The following CYRIA variants were observed in gnomAD, a reference collection of about 807,000 sequenced individuals.
CYRIA encodes the protein CYFIP-related Rac1 interactor A.
Under a neutral mutation model 43.9 loss-of-function variants are expected in CYRIA, and 15 were observed. The observed-to-expected ratio is 0.34, with a 90% CI of 0.23 to 0.53. The LOEUF (loss-of-function observed/expected upper bound fraction) is 0.53, where lower values mean the gene tolerates loss of function less well. Among genes scored for constraint, CYRIA ranks in the 20% least tolerant of loss-of-function variants. The probability of loss-of-function intolerance (pLI) is 0.94; values close to 1 mark genes in which losing one functional copy is unlikely to be tolerated. For missense variants in CYRIA, 236 were observed against 394.2 expected (o/e 0.60, Z 3.40); for synonymous variants, 117 against 136.0 (o/e 0.86, Z 0.97).
In CYRIA at chr2:16,617,881, G is replaced by A. The variant is rs754178848; in HGVS notation, c.-11+5983C>T. Among the ~76,000 whole-genome samples, 28 of 152,332 alleles carry A rather than the reference G, an allele frequency of 1.8e-4. 1 individual carries two copies. Among genetic ancestry groups the A allele is most frequent in the African/African-American group, 5.5e-4 (23 of 41,574 alleles). On this transcript the variant is annotated intron_variant, in intron 2 of 11. Transcript: ENST00000381323. The stretch of plus-strand genomic sequence containing the variant: ...TCAAGCCCAATTCCCTCATAGTTAC[G>A]ATGAAGGGAGGAGGGCTGACCAAGG...
intron 3 of CYRIA, among the ~76,000 whole-genome samples, chr2:16,583,679 T>C (rs1241075619): frequency 6.6e-6 from 1 of 152,162 alleles, no homozygotes; most frequent in Non-Finnish European, 1.5e-5. Context: ...ACTGAAGCCA[T>C]CACTCGTGAA....
At chr2:16,606,762 G>T (rs1436860505) in intron 2 of CYRIA, among the ~76,000 whole-genome samples, 1 of 152,078 alleles carries the variant, frequency 6.6e-6, no homozygotes, top group Admixed American at 6.6e-5. Context: ...TGCAGAATTC[G>T]ATGGCCCCAG....
At chr2:16,604,136 A>G (rs557464592) in intron 2 of CYRIA, among the ~76,000 whole-genome samples, 1 of 152,318 alleles carries the variant, frequency 6.6e-6, no homozygotes, top group Admixed American at 6.5e-5. Context: ...CTGACCTTCT[A>G]GCTACTATGG....
intron 1 of CYRIA, among the ~76,000 whole-genome samples, chr2:16,661,650 A>C (rs1258585751): frequency 6.6e-6 from 1 of 152,200 alleles, no homozygotes; most frequent in African/African-American, 2.4e-5. Context: ...TTACTAAGAG[A>C]CTGAGTTACA....
intron 2 of CYRIA, among the ~76,000 whole-genome samples, chr2:16,589,685 C>T (rs767477854): frequency 6.6e-6 from 1 of 151,954 alleles, no homozygotes; most frequent in East Asian, 1.9e-4. Flanking sequence ...AGGAAGTGCT[C>T]AAGAAAAATT....
intron 1 of CYRIA, among the ~76,000 whole-genome samples, chr2:16,629,477 C>G (rs1329040724): frequency 2.6e-5 from 4 of 152,200 alleles, no homozygotes; most frequent in Non-Finnish European, 5.9e-5. Flanking sequence ...AAGTGCAGAG[C>G]TAATGAGAAA....
rs191877923 is a variant in CYRIA, at chr2:16,636,767, A to C, written c.-166-12748T>G. On this transcript the variant is annotated intron_variant, in intron 1 of 11. Coordinates refer to ENST00000381323, the MANE Select transcript of CYRIA (RefSeq NM_030797.4). ...TTACCCCTGCCTGGGCAACGTAGTAAGATCCTATCTCTCCCCCAACCCCTT... is the reference window on the plus strand; with the variant it reads ...TTACCCCTGCCTGGGCAACGTAGTACGATCCTATCTCTCCCCCAACCCCTT... 7.3e-4 allele frequency among the ~76,000 whole-genome samples: 110 copies of C among 151,550 alleles called. 1 individual carries two copies. The highest frequency in any genetic ancestry group is 2.5e-3 in the African/African-American group (104 of 41,124).
chr2:16,567,663 A>G (rs530188760), intron 3 of CYRIA, among the ~76,000 whole-genome samples: 1 of 152,238 alleles, frequency 6.6e-6, no homozygotes, highest in East Asian at 1.9e-4. Context: ...AGAGTTTCCT[A>G]AGAAATGAAG....
Position 16,565,635 on chromosome 2 carries a change from C to T in CYRIA, c.192+11G>A. On this transcript the variant is annotated intron_variant, in intron 4 of 11. Transcript: ENST00000381323. ...TCGGGTGTTGTCAGTTCAGCGTGATCATTGACATACATCTCGGATCTCTGG... is the reference window on the plus strand; with the variant it reads ...TCGGGTGTTGTCAGTTCAGCGTGATTATTGACATACATCTCGGATCTCTGG... The T allele has an allele frequency of 6.4e-7, 1 of 1,550,488 alleles. No individual in the cohort carries two copies. Among genetic ancestry groups the T allele is most frequent in the Non-Finnish European group, 8.8e-7 (1 of 1,135,432 alleles).
intron 1 of CYRIA, among the ~76,000 whole-genome samples, chr2:16,655,999 G>C (rs1006752764): frequency 2.0e-5 from 3 of 152,086 alleles, no homozygotes; most frequent in Non-Finnish European, 4.4e-5. Context: ...GTCCTTGAAA[G>C]ACAAAAGGTC....
intron 1 of CYRIA, among the ~76,000 whole-genome samples, chr2:16,640,527 C>G (rs1253862203): frequency 2.4e-4 from 36 of 152,206 alleles, no homozygotes; most frequent in Admixed American, 2.4e-3. Context: ...GGCAGCCTGC[C>G]TAGATTTATG....
chr2:16,603,769 T>C (rs559748542), intron 2 of CYRIA, among the ~76,000 whole-genome samples: 2 of 152,226 alleles, frequency 1.3e-5, no homozygotes, highest in Non-Finnish European at 2.9e-5. Flanking sequence ...GACTAGCATG[T>C]AGTAAGCACT....
At position 16,650,075 on chromosome 2, in the gene CYRIA, G is replaced by A. The variant is rs1478827405; in HGVS notation, c.-167+15705C>T. Among the ~76,000 whole-genome samples, 1 of 152,152 alleles carries A rather than the reference G, an allele frequency of 6.6e-6. No homozygotes were observed. The highest frequency in any genetic ancestry group is 1.5e-5 in the Non-Finnish European group (1 of 68,026). On this transcript the variant is annotated intron_variant, in intron 1 of 11. Transcript: ENST00000381323. The surrounding 1 kb of genome is among the most constrained non-coding windows in gnomAD (Gnocchi z 4.1). ...CCCAGGTTCCAGAATGAGAAGAAAT[G>A]TACACCAGTGCCACAGAAGCCAACC...
chr2:16,560,913 T>G (rs1269919562), intron 9 of CYRIA, 77 bp downstream of exon 9: 1 of 1,279,602 alleles, frequency 7.8e-7, no homozygotes, highest in African/African-American at 1.5e-5. Flanking sequence ...AAATGTTACA[T>G]ATCATTAACA....
At chr2:16,644,923 A>G (rs1427421572) in intron 1 of CYRIA, among the ~76,000 whole-genome samples, 1 of 152,230 alleles carries the variant, frequency 6.6e-6, no homozygotes, top group East Asian at 1.9e-4. Flanking sequence ...GATTGAATTT[A>G]CCTCTTAAAG....
At chr2:16,590,064 GCATGCA>G (rs1252003887) in intron 2 of CYRIA, among the ~76,000 whole-genome samples, 1 of 131,254 alleles carries the variant, frequency 7.6e-6, no homozygotes, top group African/African-American at 3.6e-5. Flanking sequence ...ATTTGGGCAT[GCATGCA>G]CACACACACA....
At chr2:16,628,518 G>A (rs1251618881) in intron 1 of CYRIA, among the ~76,000 whole-genome samples, 2 of 152,128 alleles carry the variant, frequency 1.3e-5, no homozygotes, top group Non-Finnish European at 2.9e-5. Flanking sequence ...TACTCCCTAC[G>A]CTACACATCC....
rs142762618 is a variant in CYRIA at position 16,567,721 on chromosome 2, T to C, written c.71-1954A>G. Among the ~76,000 whole-genome samples the C allele has an allele frequency of 4.3e-3, 648 of 152,238 alleles. 6 individuals carry two copies. The highest frequency in any genetic ancestry group is 0.014 in the African/African-American group (600 of 41,554). ...GCAATTCTCTTTGAAGAAAAGATCATAGGTCCTCATAGGTTATCCAGAAAC... is the reference window on the plus strand; with the variant it reads ...GCAATTCTCTTTGAAGAAAAGATCACAGGTCCTCATAGGTTATCCAGAAAC... On this transcript the variant is annotated intron_variant, in intron 3 of 11. Transcript: ENST00000381323.
rs369641843 is a variant in CYRIA, at chr2:16,651,783, A to AT, written c.-167+13996dup. Among the ~76,000 whole-genome samples the AT allele has an allele frequency of 9.5e-3, 1,433 of 150,694 alleles. 17 individuals carry two copies. The highest frequency in any genetic ancestry group is 0.032 in the African/African-American group (1,322 of 41,116). On this transcript the variant is annotated intron_variant, in intron 1 of 11. Coordinates refer to ENST00000381323, the MANE Select transcript of CYRIA (RefSeq NM_030797.4). ...ATTATTTTAATATCAGGTGCCGTGA[A>AT]TTTTTTTTTTAATTTCCCCATTTTA...
Sources: gnomAD v4.1 joint callset for allele counts (sites outside exome capture counted in the v4.1 genomes callset) on GRCh38, gnomAD v4.1.1 for gene constraint, Gnocchi (gnomAD v3.1) non-coding constraint, MANE v1.5 for transcripts, NCBI Gene and HGNC (gene_info 2026-07-23, HGNC 2026-07-21) for gene names.